RPS6KA2: variants seen among roughly 807,000 people sequenced by gnomAD.
RPS6KA2 encodes the protein ribosomal protein S6 kinase alpha-2.
Under a neutral mutation model 91.8 loss-of-function variants are expected in RPS6KA2, and 42 were observed. The observed-to-expected ratio is 0.46, with a 90% CI of 0.36 to 0.59. The LOEUF (loss-of-function observed/expected upper bound fraction) is 0.59, where lower values mean the gene tolerates loss of function less well. RPS6KA2 is among the 20% of genes least tolerant of loss of function. The probability of loss-of-function intolerance (pLI) is 0.00; values close to 1 mark genes in which losing one functional copy is unlikely to be tolerated. For missense variants in RPS6KA2, 798 were observed against 978.5 expected (o/e 0.82, Z 2.46); for synonymous variants, 414 against 393.6 (o/e 1.05, Z -0.61).
intron 16 of RPS6KA2, among the ~76,000 whole-genome samples, chr6:166,424,864 A>AGTT (rs546290938): frequency 1.3e-5 from 2 of 152,238 alleles, no homozygotes; most frequent in Non-Finnish European, 2.9e-5. Context: ...TTTTGGCTAA[A>AGTT]GTTGGTAAAA....
At chr6:166,531,436 G>A in intron 2 of RPS6KA2, 123 bp from the exon 3 acceptor site, 1 of 750,706 alleles carries the variant, frequency 1.3e-6, no homozygotes, top group South Asian at 1.6e-5. Context: ...GTACACTGGT[G>A]AGAATTTAAA....
chr6:166,689,667 G>C (rs566844384), intron 2 of RPS6KA2, among the ~76,000 whole-genome samples: 10 of 152,270 alleles, frequency 6.6e-5, no homozygotes, highest in African/African-American at 2.4e-4. Flanking sequence ...CTGAGTGCAG[G>C]CATCTCAGAC....
At chr6:166,842,240 C>T (rs1780502331) in intron 2 of RPS6KA2, among the ~76,000 whole-genome samples, 1 of 152,212 alleles carries the variant, frequency 6.6e-6, no homozygotes, top group Non-Finnish European at 1.5e-5. Context: ...GAGTCTCCAA[C>T]CCCCAGTCCC....
At chr6:166,861,997 A>G in intron 1 of RPS6KA2, 3 of 1,408,164 alleles carry the variant, frequency 2.1e-6, no homozygotes, top group Non-Finnish European at 3.0e-6. Flanking sequence ...TCTCTGACCC[A>G]TCATAGTCAC....
At chr6:166,700,779 G>T (rs1253097009) in intron 2 of RPS6KA2, among the ~76,000 whole-genome samples, 9 of 152,074 alleles carry the variant, frequency 5.9e-5, no homozygotes, top group South Asian at 2.1e-4. Context: ...CATTATGGGG[G>T]AATATTAAGA....
chr6:166,718,173 A>G (rs1242799132), intron 2 of RPS6KA2, among the ~76,000 whole-genome samples: 1 of 152,174 alleles, frequency 6.6e-6, no homozygotes, highest in Non-Finnish European at 1.5e-5. Context: ...CTATGAAGGC[A>G]AAAGCAACTG....
At position 166,603,153 on chromosome 6, in the gene RPS6KA2, C is replaced by A. The variant is rs541153587; in HGVS notation, c.99+23768G>T. On this transcript the variant is annotated intron_variant, in intron 1 of 20. Coordinates refer to ENST00000265678, the MANE Select transcript of RPS6KA2 (RefSeq NM_021135.6). This position sits in a 1 kb window ranked among gnomAD's most constrained non-coding sequence, Gnocchi z 4.3. Reference sequence around the variant, plus strand: ...GAGCTTAGTCTAAAAGGGATCTGGGCGGGATATCAAGAACCAAACATCACA... The same window carrying A: ...GAGCTTAGTCTAAAAGGGATCTGGGAGGGATATCAAGAACCAAACATCACA... Among the ~76,000 whole-genome samples, 3 of 152,162 alleles carry A rather than the reference C, an allele frequency of 2.0e-5. No homozygotes were observed. The highest frequency in any genetic ancestry group is 7.2e-5 in the African/African-American group (3 of 41,430).
At chr6:166,484,317 G>T (rs1197805288) in intron 10 of RPS6KA2, among the ~76,000 whole-genome samples, 1 of 152,184 alleles carries the variant, frequency 6.6e-6, no homozygotes. Context: ...TGCCTTCGTG[G>T]ATCTCATCAC....
At chr6:166,623,973 T>C (rs1431586687) in intron 1 of RPS6KA2, among the ~76,000 whole-genome samples, 1 of 152,158 alleles carries the variant, frequency 6.6e-6, no homozygotes, top group African/African-American at 2.4e-5. Flanking sequence ...AAATGTTGGG[T>C]TATGGACGTA....
chr6:166,630,203 C>A (rs1787030282), upstream of RPS6KA2, among the ~76,000 whole-genome samples: 1 of 152,182 alleles, frequency 6.6e-6, no homozygotes, highest in Admixed American at 6.5e-5. Context: ...CTCCCTGCTA[C>A]ACAGGCACCT....
chr6:166,803,632 G>C (rs1779422414), intron 2 of RPS6KA2, among the ~76,000 whole-genome samples: 1 of 152,146 alleles, frequency 6.6e-6, no homozygotes, highest in Admixed American at 6.5e-5. Flanking sequence ...TGACTAATTC[G>C]GATTTCAGCA....
At chr6:166,789,356 C>T (rs1194949103) in intron 2 of RPS6KA2, among the ~76,000 whole-genome samples, 1 of 152,250 alleles carries the variant, frequency 6.6e-6, no homozygotes, top group Non-Finnish European at 1.5e-5. Flanking sequence ...AACAAAGCAG[C>T]TGGGAAGCTC....
chr6:166,670,598 A>AT (rs1788443659), intron 2 of RPS6KA2, among the ~76,000 whole-genome samples: 1 of 146,662 alleles, frequency 6.8e-6, no homozygotes, highest in Non-Finnish European at 1.5e-5. Context: ...CTCCTAAAAC[A>AT]TAAGTGTGAT....
chr6:166,741,075 G>C (rs897153224), intron 2 of RPS6KA2, among the ~76,000 whole-genome samples: 2 of 152,212 alleles, frequency 1.3e-5, no homozygotes, highest in African/African-American at 4.8e-5. Context: ...TCATCCAAAG[G>C]GGTACAGATA....
intron 19 of RPS6KA2, among the ~76,000 whole-genome samples, 153 bp from the exon 20 acceptor site, chr6:166,414,084 G>A (rs1374530166): frequency 1.3e-5 from 2 of 152,148 alleles, no homozygotes; most frequent in Non-Finnish European, 2.9e-5. Flanking sequence ...TTCACTTTCA[G>A]GTTTAGAAGT....
At chr6:166,472,758 T>C (rs1003655900) in intron 10 of RPS6KA2, among the ~76,000 whole-genome samples, 2 of 152,170 alleles carry the variant, frequency 1.3e-5, no homozygotes, top group African/African-American at 4.8e-5. Context: ...ATCAGGCTGA[T>C]GCTGGAATCA....
chr6:166,532,712 C>A (rs111583785), intron 2 of RPS6KA2, among the ~76,000 whole-genome samples: 1 of 152,132 alleles, frequency 6.6e-6, no homozygotes, highest in Non-Finnish European at 1.5e-5. Flanking sequence ...CTCTCGGACC[C>A]GATTAGGTCC....
At chr6:166,566,469 C>T (rs1784509028) in intron 1 of RPS6KA2, among the ~76,000 whole-genome samples, 1 of 152,268 alleles carries the variant, frequency 6.6e-6, no homozygotes, top group African/African-American at 2.4e-5. Flanking sequence ...CCATCCACCA[C>T]ATCACCAGAG....
rs1295885303 is a variant in RPS6KA2 at position 166,613,894 on chromosome 6, T to TTCCA, written c.99+13023_99+13026dup. On this transcript the variant is annotated intron_variant, in intron 1 of 20. Coordinates refer to ENST00000265678, the MANE Select transcript of RPS6KA2 (RefSeq NM_021135.6). ...ACGGCCTTCAGGACACAGTCGGGCTTTCCATGGCCTTCAGGACACAGATTC... is the reference window on the plus strand; with the variant it reads ...ACGGCCTTCAGGACACAGTCGGGCTTTCCATCCATGGCCTTCAGGACACAGATTC... 1.3e-5 allele frequency among the ~76,000 whole-genome samples: 2 copies of TTCCA among 150,898 alleles called. 1 individual carries two copies. Among genetic ancestry groups the TTCCA allele is most frequent in the Admixed American group, 1.3e-4 (2 of 15,162 alleles).
Sources: allele counts gnomAD v4.1 joint callset (sites outside exome capture counted in the v4.1 genomes callset), GRCh38; gene constraint gnomAD v4.1.1; non-coding constraint Gnocchi (gnomAD v3.1); transcripts MANE v1.5; gene names NCBI Gene and HGNC (gene_info 2026-07-23, HGNC 2026-07-21).